The following MAGI2 variants were observed in gnomAD, a reference collection of about 807,000 sequenced individuals.
The protein encoded by MAGI2 is membrane-associated guanylate kinase, WW and PDZ domain-containing protein 2.
MAGI2 carries 35 observed loss-of-function variants against 133.3 expected under a neutral mutation model. The observed-to-expected ratio is 0.26, with a 90% CI of 0.20 to 0.35. MAGI2 has a LOEUF of 0.35. Among genes scored for constraint, MAGI2 ranks in the 10% least tolerant of loss-of-function variants. MAGI2 has a pLI of 1.00. For synonymous variants in MAGI2, 729 were observed against 710.6 expected, an observed-to-expected ratio of 1.03 and a Z score of -0.41; for missense variants, 1,636 against 1,863.4, an observed-to-expected ratio of 0.88 and a Z score of 2.25.
intron 2 of MAGI2, among the ~76,000 whole-genome samples, chr7:78,834,446 CAT>C (rs933622962): frequency 6.6e-6 from 1 of 152,216 alleles, no homozygotes; most frequent in Non-Finnish European, 1.5e-5. Flanking sequence ...TAACTGAAAT[CAT>C]ATGATATGTG....
At chr7:78,782,390 G>T (rs1003657318) in intron 2 of MAGI2, among the ~76,000 whole-genome samples, 1 of 152,152 alleles carries the variant, frequency 6.6e-6, no homozygotes, top group Non-Finnish European at 1.5e-5. Flanking sequence ...AGTCAGTGCG[G>T]GGCAGGTGAG....
intron 6 of MAGI2, among the ~76,000 whole-genome samples, chr7:78,419,689 A>G (rs184892206): frequency 1.3e-5 from 2 of 151,540 alleles, no homozygotes; most frequent in Admixed American, 6.6e-5. Flanking sequence ...CCACTTAAAC[A>G]TCTGGAAAAC....
intron 13 of MAGI2, among the ~76,000 whole-genome samples, chr7:78,178,528 A>T (rs1826880138): frequency 6.6e-6 from 1 of 152,004 alleles, no homozygotes; most frequent in Admixed American, 6.6e-5. Context: ...CCAGTAAAGC[A>T]CTGCCTGGTA....
At chr7:79,009,954 CA>C (rs1807872402) in intron 1 of MAGI2, among the ~76,000 whole-genome samples, 4 of 151,928 alleles carry the variant, frequency 2.6e-5, no homozygotes. Context: ...AAAAAGTAAA[CA>C]CTCATTAAAA....
At chr7:78,758,949 C>T (rs2151294860) in intron 2 of MAGI2, among the ~76,000 whole-genome samples, 2 of 152,200 alleles carry the variant, frequency 1.3e-5, no homozygotes, top group African/African-American at 4.8e-5. Context: ...CGTCTATCTC[C>T]CACACTAAAT....
chr7:79,169,140 T>C (rs1825273247), intron 1 of MAGI2, among the ~76,000 whole-genome samples: 1 of 151,936 alleles, frequency 6.6e-6, no homozygotes, highest in Admixed American at 6.6e-5. Context: ...ATATTTCCCC[T>C]TATATTCTGG....
intron 2 of MAGI2, among the ~76,000 whole-genome samples, chr7:78,729,660 T>C (rs10485918): frequency 0.096 from 14,561 of 152,232 alleles, 829 homozygotes; most frequent in East Asian, 0.23. Flanking sequence ...AGGGGATTTA[T>C]ATCCAGAGAG....
At chr7:78,650,509 G>T (rs547756067) in intron 2 of MAGI2, among the ~76,000 whole-genome samples, 3 of 152,114 alleles carry the variant, frequency 2.0e-5, no homozygotes, top group African/African-American at 7.2e-5. Flanking sequence ...GGAGAAACAG[G>T]CTTTCAAAAG....
chr7:79,186,220 ATATATATATATATATATATATATT>A (rs1827100971), intron 1 of MAGI2, among the ~76,000 whole-genome samples: 1 of 12,636 alleles, frequency 7.9e-5, no homozygotes, highest in Non-Finnish European at 3.4e-4. Flanking sequence ...ATATATATAT[ATATATATATATATATATATATATT>A]TATATTTATT....
intron 16 of MAGI2, among the ~76,000 whole-genome samples, chr7:78,155,978 C>T (rs1824347400): frequency 6.6e-6 from 1 of 152,180 alleles, no homozygotes; most frequent in South Asian, 2.1e-4. Context: ...GACGTATCTC[C>T]ATCCATAGGG....
chr7:78,796,834 G>T (rs1187057515), intron 2 of MAGI2, among the ~76,000 whole-genome samples: 2 of 152,126 alleles, frequency 1.3e-5, no homozygotes, highest in African/African-American at 4.8e-5. Context: ...AAGCAACATG[G>T]ATATAACTGG....
At chr7:78,105,291 G>T (rs1371067717) in intron 20 of MAGI2, among the ~76,000 whole-genome samples, 1 of 151,912 alleles carries the variant, frequency 6.6e-6, no homozygotes, top group Admixed American at 6.6e-5. Context: ...GTTTTTTACT[G>T]TTGAAAACAT....
chr7:78,356,952 A>G (rs1295116254), intron 7 of MAGI2, among the ~76,000 whole-genome samples: 3 of 152,194 alleles, frequency 2.0e-5, no homozygotes, highest in Non-Finnish European at 2.9e-5. Context: ...ACCACTCACT[A>G]TCTTTGAGAA....
intron 21 of MAGI2, among the ~76,000 whole-genome samples, chr7:78,069,573 G>GAGAGAGAGAGAGAGAGAGAGAGAGAGAGA (rs1434894272): frequency 9.1e-6 from 1 of 110,396 alleles, no homozygotes; most frequent in African/African-American, 3.6e-5. Flanking sequence ...AGAGAGAGAG[G>GAGAGAGAGAGAGAGAGAGAGAGAGAGAGA]CTTCTGATTC....
intron 9 of MAGI2, among the ~76,000 whole-genome samples, chr7:78,325,647 G>T (rs1398858664): frequency 6.6e-6 from 1 of 152,114 alleles, no homozygotes; most frequent in East Asian, 1.9e-4. Flanking sequence ...ATAGGTAGAT[G>T]ACCAGGATAC....
At chr7:78,068,757 C>A (rs1391789631) in intron 21 of MAGI2, among the ~76,000 whole-genome samples, 1 of 152,140 alleles carries the variant, frequency 6.6e-6, no homozygotes, top group Non-Finnish European at 1.5e-5. Flanking sequence ...TGAAGTGATG[C>A]CTTGGAGACT....
At chr7:78,791,507 G>A (rs920816541) in intron 2 of MAGI2, among the ~76,000 whole-genome samples, 30 of 151,112 alleles carry the variant, frequency 2.0e-4, no homozygotes, top group Non-Finnish European at 3.5e-4. Flanking sequence ...TATCACTACA[G>A]CATTACTTTT....
chr7:78,323,749 C>T (rs553147396), intron 9 of MAGI2, among the ~76,000 whole-genome samples: 1 of 152,248 alleles, frequency 6.6e-6, no homozygotes, highest in South Asian at 2.1e-4. Flanking sequence ...ATCTAAATGA[C>T]ATAAAAATTA....
chr7:78,717,520 C>T (rs923807359), intron 2 of MAGI2, among the ~76,000 whole-genome samples: 2 of 152,110 alleles, frequency 1.3e-5, no homozygotes, highest in Non-Finnish European at 1.5e-5. Context: ...GTGCTTTCAA[C>T]GTACTAGCTG....
Sources: allele counts gnomAD v4.1 joint callset (sites outside exome capture counted in the v4.1 genomes callset), GRCh38; gene constraint gnomAD v4.1.1; transcripts MANE v1.5; gene names NCBI Gene and HGNC (gene_info 2026-07-23, HGNC 2026-07-21).